PNLIPRP3: variants seen among roughly 807,000 people sequenced by gnomAD.
The protein encoded by PNLIPRP3 is pancreatic lipase related protein 3, also known as pancreatic lipase-related protein 3.
PNLIPRP3 carries 58 observed loss-of-function variants against 52.8 expected under a neutral mutation model. The ratio of observed to expected loss-of-function variants is 1.10; its 90% CI spans 0.89 to 1.37. The LOEUF (loss-of-function observed/expected upper bound fraction) is 1.37. Among genes scored for constraint, PNLIPRP3 ranks in the 40% most tolerant of loss-of-function variants. The pLI, the probability that PNLIPRP3 is intolerant of heterozygous loss-of-function variation, is 0.00. For missense variants in PNLIPRP3, 593 were observed against 561.6 expected (o/e 1.06, Z -0.57); for synonymous variants, 192 against 185.0 (o/e 1.04, Z -0.31).
chr10:116,441,515 T>C lies in PNLIPRP3; in HGVS notation c.205-1540T>C, dbSNP rs138179971. ...TTGAAATGAGTGAGCACCTGGATTA[T>C]CTTAGAGACATAGATGGAATCATGT... On this transcript the variant is annotated intron_variant, in intron 2 of 11. Coordinates refer to ENST00000369230, the MANE Select transcript of PNLIPRP3 (RefSeq NM_001011709.3). 7.2e-5 allele frequency among the ~76,000 whole-genome samples: 11 copies of C among 152,300 alleles called. No individual in the cohort carries two copies. The East Asian group carries it at 2.1e-3, about 29-fold the overall frequency.
chr10:116,449,814 A>T (rs918088119), intron 4 of PNLIPRP3, among the ~76,000 whole-genome samples: 1 of 152,212 alleles, frequency 6.6e-6, no homozygotes, highest in Non-Finnish European at 1.5e-5. Flanking sequence ...TCAGGTACAC[A>T]CAGAACCTTC....
intron 10 of PNLIPRP3, 54 bp downstream of exon 10, chr10:116,471,933 T>G: frequency 9.4e-7 from 1 of 1,065,694 alleles, no homozygotes. Context: ...TCAGTAACAC[T>G]AAGTGAGACT....
intron 10 of PNLIPRP3, 138 bp from the exon 11 acceptor site, chr10:116,476,514 A>G (rs921955693): frequency 3.3e-6 from 2 of 609,746 alleles, no homozygotes; most frequent in African/African-American, 3.9e-5. Flanking sequence ...ATCAATACAC[A>G]TGGAAAGAAT....
intron 9 of PNLIPRP3, among the ~76,000 whole-genome samples, chr10:116,469,614 G>A (rs1846334328): frequency 6.6e-6 from 1 of 152,220 alleles, no homozygotes; most frequent in Non-Finnish European, 1.5e-5. Context: ...ACTCCTGAAG[G>A]ATGAGTAAGA....
intron 4 of PNLIPRP3, among the ~76,000 whole-genome samples, chr10:116,453,712 A>T (rs1003916423): frequency 7.2e-5 from 11 of 152,002 alleles, no homozygotes; most frequent in African/African-American, 2.4e-4. Context: ...TCACTCTGTG[A>T]TACACCAGCT....
intron 4 of PNLIPRP3, among the ~76,000 whole-genome samples, chr10:116,448,712 G>C (rs1845991974): frequency 6.6e-6 from 1 of 151,714 alleles, no homozygotes; most frequent in South Asian, 2.1e-4. Flanking sequence ...GTTTTGTTTT[G>C]TTTTGTTTTG....
rs138504036 is a variant in PNLIPRP3 at position 116,437,138 on chromosome 10, C to A, written c.204+273C>A. The stretch of plus-strand genomic sequence containing the variant: ...GTTCAGTCAATGTACCAACTGAGAA[C>A]CTTCCATCTGTAAGACTGAATAAGC... On this transcript the variant is annotated intron_variant, in intron 2 of 11. Coordinates refer to ENST00000369230, the MANE Select transcript of PNLIPRP3 (RefSeq NM_001011709.3). Among the ~76,000 whole-genome samples, 6 of 149,890 alleles carry A rather than the reference C, an allele frequency of 4.0e-5. No individual in the cohort carries two copies. The East Asian group carries it at 1.2e-3, about 30-fold the overall frequency.
At position 116,436,697 on chromosome 10, in the gene PNLIPRP3, C is replaced by A; in HGVS notation, c.50-14C>A. 6.3e-7 allele frequency: 1 copy of A among 1,598,548 alleles called. No homozygotes were observed. The highest frequency in any genetic ancestry group is 1.1e-5 in the South Asian group (1 of 88,434). ...CTGGTTCCTCTATACTGACACTCCA[C>A]CTTTCTGCTGCAGGAAAAGAAGTTT... On this transcript the variant is annotated splice_polypyrimidine_tract_variant and intron_variant, in intron 1 of 11. Coordinates refer to ENST00000369230, the MANE Select transcript of PNLIPRP3 (RefSeq NM_001011709.3).
At position 116,464,703 on chromosome 10, in the gene PNLIPRP3, G is replaced by C. The variant is rs191908342; in HGVS notation, c.809-1347G>C. Among the ~76,000 whole-genome samples the C allele has an allele frequency of 2.6e-5, 4 of 152,354 alleles. No individual in the cohort carries two copies. The East Asian group carries it at 7.7e-4, about 29-fold the overall frequency. On this transcript the variant is annotated intron_variant, in intron 7 of 11. Coordinates refer to ENST00000369230, the MANE Select transcript of PNLIPRP3 (RefSeq NM_001011709.3). Reference sequence around the variant, plus strand: ...TGGCAGGAACCACGCAGCCCCAAAGGGGGTGTTACATACAGCATGTTACAG... The same window carrying C: ...TGGCAGGAACCACGCAGCCCCAAAGCGGGTGTTACATACAGCATGTTACAG...
intron 9 of PNLIPRP3, among the ~76,000 whole-genome samples, chr10:116,470,236 A>G: frequency 6.6e-6 from 1 of 152,086 alleles, no homozygotes; most frequent in African/African-American, 2.4e-5. Context: ...AGGTAGAGAT[A>G]CGGATCTCAG....
intron 9 of PNLIPRP3, 141 bp from the exon 10 acceptor site, chr10:116,471,626 GT>G: frequency 1.7e-6 from 1 of 591,746 alleles, no homozygotes; most frequent in South Asian, 2.5e-5. Flanking sequence ...TGAAACTAAA[GT>G]TGTATTTTTG....
At chr10:116,432,576 A>C (rs1845722194) in intron 1 of PNLIPRP3, among the ~76,000 whole-genome samples, 1 of 152,300 alleles carries the variant, frequency 6.6e-6, no homozygotes, top group East Asian at 1.9e-4. Context: ...GAATTCATAA[A>C]CCTATGTGGC....
At chr10:116,442,705 A>C (rs1845875793) in intron 2 of PNLIPRP3, among the ~76,000 whole-genome samples, 1 of 152,068 alleles carries the variant, frequency 6.6e-6, no homozygotes, top group South Asian at 2.1e-4. Context: ...CTCTAAAAAA[A>C]TTGTTTAAAA....
At chr10:116,433,930 G>T (rs1485204349) in intron 1 of PNLIPRP3, among the ~76,000 whole-genome samples, 1 of 152,202 alleles carries the variant, frequency 6.6e-6, no homozygotes, top group Non-Finnish European at 1.5e-5. Flanking sequence ...CCTAGCAAAA[G>T]CTAGGCTATA....
chr10:116,460,717 T>C (rs1846178988), intron 5 of PNLIPRP3, among the ~76,000 whole-genome samples: 1 of 152,168 alleles, frequency 6.6e-6, no homozygotes, highest in South Asian at 2.1e-4. Flanking sequence ...GACCCTAGAA[T>C]AGCCACTGTG....
chr10:116,432,125 G>A (rs1056301978), intron 1 of PNLIPRP3, among the ~76,000 whole-genome samples: 1 of 152,120 alleles, frequency 6.6e-6, no homozygotes, highest in African/African-American at 2.4e-5. Context: ...TACTCCATGA[G>A]GGCTAGAATT....
In PNLIPRP3 at chr10:116,464,427, T is replaced by C. The variant is rs1846245744; in HGVS notation, c.809-1623T>C. Among the ~76,000 whole-genome samples, 9 of 152,300 alleles carry C rather than the reference T, an allele frequency of 5.9e-5. No individual in the cohort carries two copies. In the South Asian group the frequency reaches 1.2e-3, roughly 21 times the overall value. ...TGAGTTTCACTTGCACCTGCTGGGC[T>C]CACCACTGGACTTATCTCACCCACT... On this transcript the variant is annotated intron_variant, in intron 7 of 11. Coordinates refer to ENST00000369230, the MANE Select transcript of PNLIPRP3 (RefSeq NM_001011709.3).
intron 1 of PNLIPRP3, among the ~76,000 whole-genome samples, chr10:116,435,265 T>A (rs904234683): frequency 6.6e-6 from 1 of 152,082 alleles, no homozygotes; most frequent in Non-Finnish European, 1.5e-5. Context: ...TTTGATAGTA[T>A]GAAAACAACA....
intron 2 of PNLIPRP3, chr10:116,440,120 G>T: frequency 1.6e-6 from 1 of 640,246 alleles, no homozygotes; most frequent in South Asian, 1.9e-5. Flanking sequence ...AAGTATTTGG[G>T]GGCACCTTCT....
Sources: gnomAD v4.1 joint callset for allele counts (sites outside exome capture counted in the v4.1 genomes callset) on GRCh38, gnomAD v4.1.1 for gene constraint, MANE v1.5 for transcripts, NCBI Gene and HGNC (gene_info 2026-07-23, HGNC 2026-07-21) for gene names.